Variants in OLFM3 observed in about 807,000 individuals in gnomAD.
OLFM3 encodes olfactomedin 3, also known as noelin-3.
Under a neutral mutation model 48.6 loss-of-function variants are expected in OLFM3, and 20 were observed. The observed-to-expected ratio is 0.41, with a 90% CI of 0.29 to 0.60. The LOEUF is 0.60. OLFM3 is among the 20% of genes least tolerant of loss of function. OLFM3 has a pLI of 0.28. For synonymous variants in OLFM3, 222 were observed against 198.1 expected (o/e 1.12, Z -1.01); for missense variants, 437 against 544.3 (o/e 0.80, Z 1.96).
At chr1:101,970,161 G>A (rs1660740779) in intron 1 of OLFM3, among the ~76,000 whole-genome samples, 1 of 151,938 alleles carries the variant, frequency 6.6e-6, no homozygotes, top group Non-Finnish European at 1.5e-5. Flanking sequence ...GACTACAGGT[G>A]TGCACTACCA....
intron 1 of OLFM3, among the ~76,000 whole-genome samples, chr1:101,914,094 C>A (rs1234154622): frequency 6.6e-6 from 1 of 152,086 alleles, no homozygotes; most frequent in Non-Finnish European, 1.5e-5. Context: ...ATATCCTTCC[C>A]TTTTCAGGTA....
intron 1 of OLFM3, among the ~76,000 whole-genome samples, chr1:101,985,925 T>G (rs939812227): frequency 1.7e-4 from 26 of 151,932 alleles, no homozygotes; most frequent in African/African-American, 6.0e-4. Context: ...TTTGAGAGGC[T>G]ATGAGCAGAA....
intron 1 of OLFM3, among the ~76,000 whole-genome samples, chr1:101,964,075 A>G (rs1346675082): frequency 6.6e-6 from 1 of 152,174 alleles, no homozygotes; most frequent in African/African-American, 2.4e-5. Context: ...GATATGTCTG[A>G]TCATTGATTT....
intron 1 of OLFM3, among the ~76,000 whole-genome samples, chr1:101,901,121 C>T (rs1044428774): frequency 6.6e-6 from 1 of 151,900 alleles, no homozygotes; most frequent in Non-Finnish European, 1.5e-5. Flanking sequence ...ACTTAACAAA[C>T]TGGTTAAGAC....
At chr1:101,922,252 A>G (rs1336742399) in intron 1 of OLFM3, among the ~76,000 whole-genome samples, 1 of 152,166 alleles carries the variant, frequency 6.6e-6, no homozygotes, top group Non-Finnish European at 1.5e-5. Flanking sequence ...TATGGTTCTT[A>G]TTATTACTAA....
chr1:101,827,523 T>A (rs1306189343), intron 3 of OLFM3, among the ~76,000 whole-genome samples: 1 of 152,142 alleles, frequency 6.6e-6, no homozygotes, highest in South Asian at 2.1e-4. Flanking sequence ...GTAGGAAGAT[T>A]TTTTAAAAAG....
At chr1:101,933,168 C>G (rs1216037178) in intron 1 of OLFM3, among the ~76,000 whole-genome samples, 1 of 129,858 alleles carries the variant, frequency 7.7e-6, no homozygotes, top group African/African-American at 2.9e-5. Context: ...CGCCACTGCA[C>G]TCCAGCCTGG....
intron 1 of OLFM3, among the ~76,000 whole-genome samples, chr1:101,864,098 C>G (rs1656766399): frequency 6.6e-6 from 1 of 152,128 alleles, no homozygotes; most frequent in Non-Finnish European, 1.5e-5. Context: ...CTTCTCCTAA[C>G]TCTCCTAACA....
intron 1 of OLFM3, among the ~76,000 whole-genome samples, chr1:101,982,634 C>T (rs1661134232): frequency 6.6e-6 from 1 of 152,180 alleles, no homozygotes; most frequent in South Asian, 2.1e-4. Context: ...CTCTTCCAAT[C>T]TGGTGCAGGC....
chr1:101,895,453 TCACA>T (rs1658163311), intron 1 of OLFM3, among the ~76,000 whole-genome samples: 1 of 144,588 alleles, frequency 6.9e-6, no homozygotes, highest in African/African-American at 2.5e-5. Flanking sequence ...ACACACTCAC[TCACA>T]TTTGATTACA....
chr1:101,944,239 G>A (rs1025118977), intron 1 of OLFM3, among the ~76,000 whole-genome samples: 13 of 151,968 alleles, frequency 8.6e-5, no homozygotes, highest in Admixed American at 4.6e-4. Context: ...AAAATTAAGA[G>A]CTTACTTTAC....
chr1:101,910,320 G>T (rs949320431), intron 1 of OLFM3, among the ~76,000 whole-genome samples: 6 of 152,046 alleles, frequency 3.9e-5, no homozygotes, highest in Non-Finnish European at 5.9e-5. Context: ...CAAAAAATTA[G>T]CCGGGCGTGG....
At chr1:101,928,397 A>T (rs1659341832) in intron 1 of OLFM3, among the ~76,000 whole-genome samples, 1 of 152,148 alleles carries the variant, frequency 6.6e-6, no homozygotes, top group Non-Finnish European at 1.5e-5. Context: ...ATTTGGCAAG[A>T]TCTACAAAAT....
Position 101,803,835 on chromosome 1 carries a change from C to T in OLFM3, c.*403G>A, listed in dbSNP as rs186790679. ...AAAAGTGCTTTTTGTTCTCCTAATT[C>T]CTACCAAAATATTTCCTGATATGGA... is the stretch of plus-strand genomic sequence containing the variant. On this transcript the variant is annotated 3_prime_UTR_variant, in exon 6 of 6. Transcript: ENST00000370103. 7.7e-3 allele frequency: 1,185 copies of T among 153,696 alleles called. 8 individuals are homozygous for T. The highest frequency in any genetic ancestry group is 0.012 in the Non-Finnish European group (825 of 69,222). The allele number at this position is 153,696 out of a possible 1,614,324, so 9.5% of individuals were successfully genotyped here. A position where few individuals can be genotyped will look rare whatever the true frequency, so the allele number is the denominator to read the frequency against.
intron 1 of OLFM3, among the ~76,000 whole-genome samples, chr1:101,980,008 T>C (rs531881375): frequency 6.6e-6 from 1 of 152,350 alleles, no homozygotes; most frequent in South Asian, 2.1e-4. Context: ...TAAGGTTTAA[T>C]GACTGCCCTT....
At chr1:101,869,980 G>A (rs1657011748) in intron 1 of OLFM3, among the ~76,000 whole-genome samples, 1 of 152,132 alleles carries the variant, frequency 6.6e-6, no homozygotes, top group South Asian at 2.1e-4. Flanking sequence ...GGCAGCATGA[G>A]AACAGACTAA....
At chr1:101,838,751 A>G (rs1655563176) in intron 1 of OLFM3, among the ~76,000 whole-genome samples, 1 of 152,192 alleles carries the variant, frequency 6.6e-6, no homozygotes, top group South Asian at 2.1e-4. Context: ...AAGTGCTGCG[A>G]CTAAAGCTCT....
At chr1:101,961,861 G>T (rs756526943) in intron 1 of OLFM3, among the ~76,000 whole-genome samples, 1 of 152,078 alleles carries the variant, frequency 6.6e-6, no homozygotes, top group Non-Finnish European at 1.5e-5. Context: ...ATATAGCAAT[G>T]TGTACCTTGA....
At chr1:101,975,725 G>A (rs1013362547) in intron 1 of OLFM3, among the ~76,000 whole-genome samples, 2 of 152,104 alleles carry the variant, frequency 1.3e-5, no homozygotes, top group African/African-American at 4.8e-5. Context: ...ACAGCTCAGA[G>A]TTATCAAAAG....
Sources: gnomAD v4.1 joint callset for allele counts (sites outside exome capture counted in the v4.1 genomes callset) on GRCh38, gnomAD v4.1.1 for gene constraint, MANE v1.5 for transcripts, NCBI Gene and HGNC (gene_info 2026-07-23, HGNC 2026-07-21) for gene names.